DHX57: variants seen among roughly 807,000 people sequenced by gnomAD.
DHX57 encodes the protein putative ATP-dependent RNA helicase DHX57.
In DHX57, 105 loss-of-function variants were observed where a neutral mutation model predicts 156.2. The observed-to-expected ratio is 0.67, with a 90% CI of 0.57 to 0.79. DHX57 has a LOEUF of 0.79. Ranked by LOEUF, DHX57 falls within the 30% of genes least tolerant of loss-of-function variation. The probability of loss-of-function intolerance (pLI) is 0.00; values close to 1 mark genes in which losing one functional copy is unlikely to be tolerated. For synonymous variants in DHX57, 704 were observed against 595.6 expected, an observed-to-expected ratio of 1.18 and a Z score of -2.65; for missense variants, 1,847 against 1,661.9, an observed-to-expected ratio of 1.11 and a Z score of -1.94.
chr2:38,818,482 C>T (rs776814160), intron 19 of DHX57, among the ~76,000 whole-genome samples: 2 of 152,096 alleles, frequency 1.3e-5, no homozygotes, highest in African/African-American at 2.4e-5. Flanking sequence ...GAGCCGAGAT[C>T]GCACCACTGC....
chr2:38,823,203 A>C lies in DHX57; in HGVS notation c.3081T>G (p.Pro1027=). The C allele has an allele frequency of 1.9e-6, 3 of 1,614,162 alleles. No homozygotes were observed. The highest frequency in any genetic ancestry group is 2.5e-6 in the Non-Finnish European group (3 of 1,180,020). The change falls in exon 17 of 24, where the codon CCT becomes CCG. Residue 1027 remains proline (P), a synonymous_variant. Coordinates refer to ENST00000457308, the MANE Select transcript of DHX57 (RefSeq NM_198963.3). ...LQSVFSRLIE[P]PHTDSLRASK... is the part of the protein sequence containing the mutation. ...AGGCACGAAGAGAATCGGTGTGTGG[A>C]GGTTCAATGAGCCGAGAGAACACAG...
chr2:38,799,748 C>A (rs1669580409), intron 23 of DHX57, among the ~76,000 whole-genome samples: 2 of 39,802 alleles, frequency 5.0e-5, no homozygotes, highest in Non-Finnish European at 1.1e-4. Flanking sequence ...AAAACTCCAT[C>A]TCAAAAAAAA....
At chr2:38,838,779 A>T in intron 12 of DHX57, 1 of 456,446 alleles carries the variant, frequency 2.2e-6, no homozygotes, top group South Asian at 1.6e-5. Flanking sequence ...CTTCCCTGAA[A>T]AATAAATGTG....
chr2:38,824,730 C>T (rs1314929793), intron 16 of DHX57, among the ~76,000 whole-genome samples: 1 of 152,164 alleles, frequency 6.6e-6, no homozygotes, highest in Admixed American at 6.6e-5. Context: ...TCACTGCAAC[C>T]TCCACCTCCC....
At chr2:38,830,345 T>A (rs1008728670) in intron 13 of DHX57, among the ~76,000 whole-genome samples, 4 of 152,074 alleles carry the variant, frequency 2.6e-5, no homozygotes, top group Admixed American at 6.6e-5. Flanking sequence ...AGGTTATTAG[T>A]GGCCAGGCAT....
chr2:38,807,653 G>A lies in DHX57; in HGVS notation c.3682-960C>T, dbSNP rs553190293. 3.5e-5 allele frequency among the ~76,000 whole-genome samples: 5 copies of A among 144,094 alleles called. No individual in the cohort carries two copies. In the South Asian group the frequency reaches 1.1e-3, roughly 32 times the overall value. 94.5% of individuals were successfully genotyped at this position (144,094 alleles called of 152,430 possible). Reference sequence around the variant, plus strand: ...ATTACAGGTGTGAGCCACTGCGCCCGGCCTTTTTTTTGAGACGGAGTTTCG... The same window carrying A: ...ATTACAGGTGTGAGCCACTGCGCCCAGCCTTTTTTTTGAGACGGAGTTTCG... On this transcript the variant is annotated intron_variant, in intron 21 of 23. Coordinates refer to ENST00000457308, the MANE Select transcript of DHX57 (RefSeq NM_198963.3).
intron 17 of DHX57, among the ~76,000 whole-genome samples, chr2:38,820,876 G>GAA (rs200808059): frequency 5.4e-5 from 6 of 112,094 alleles, no homozygotes; most frequent in Non-Finnish European, 5.7e-5. Context: ...TTTAATGAAG[G>GAA]AAAAAAAAAA....
At chr2:38,848,471 A>G in intron 9 of DHX57, 69 bp from the exon 10 acceptor site, 1 of 1,478,120 alleles carries the variant, frequency 6.8e-7, no homozygotes, top group Non-Finnish European at 9.1e-7. Context: ...AACTTTTACT[A>G]TATTTTGAGC....
intron 23 of DHX57, among the ~76,000 whole-genome samples, chr2:38,799,046 G>C (rs1455087346): frequency 6.6e-6 from 1 of 152,024 alleles, no homozygotes; most frequent in Non-Finnish European, 1.5e-5. Context: ...TCCACGAGGA[G>C]AAGCAGGAAA....
At position 38,863,466 on chromosome 2, in the gene DHX57, T is replaced by G. The variant is rs752345342; in HGVS notation, c.278A>C (p.Lys93Thr). ...TAGAGTCTGAAGGGGTACTTTGGCTTTGGGTTTCCATTTTGGGCGTGACTC... is the reference window on the plus strand; with the variant it reads ...TAGAGTCTGAAGGGGTACTTTGGCTGTGGGTTTCCATTTTGGGCGTGACTC... ...KGESRPKWKP[K>T]AKVPLQTLHM... The change falls in exon 3 of 24, where the codon AAA becomes ACA. Residue 93 changes from lysine (K) to threonine (T), a missense_variant. Physicochemically the swap from Lys to Thr is moderately conservative, Grantham distance 78. Coordinates refer to ENST00000457308, the MANE Select transcript of DHX57 (RefSeq NM_198963.3). 1.3e-5 allele frequency: 21 copies of G among 1,614,024 alleles called. No homozygotes were observed. The highest frequency in any genetic ancestry group is 1.7e-5 in the Admixed American group (1 of 59,984).
At chr2:38,842,251 A>C (rs1672046551) in intron 12 of DHX57, among the ~76,000 whole-genome samples, 1 of 152,242 alleles carries the variant, frequency 6.6e-6, no homozygotes, top group African/African-American at 2.4e-5. Flanking sequence ...ATCTTCAAAA[A>C]TGTCAAGGTC....
intron 23 of DHX57, among the ~76,000 whole-genome samples, chr2:38,800,898 G>A (rs1272461848): frequency 2.0e-5 from 3 of 151,976 alleles, no homozygotes; most frequent in East Asian, 1.9e-4. Context: ...GATGTGCTGC[G>A]AATATAAAAT....
chr2:38,827,577 T>C (rs1288806954), intron 14 of DHX57, among the ~76,000 whole-genome samples: 1 of 132,966 alleles, frequency 7.5e-6, no homozygotes, highest in Non-Finnish European at 1.6e-5. Context: ...CACACATACA[T>C]ACACACACAC....
chr2:38,815,823 G>T, intron 19 of DHX57, 168 bp from the exon 20 acceptor site: 1 of 839,596 alleles, frequency 1.2e-6, no homozygotes, highest in Non-Finnish European at 1.8e-6. Context: ...TTTCCAAGAA[G>T]CAGCTTTCAC....
At chr2:38,839,550 A>G (rs1671867258) in intron 12 of DHX57, among the ~76,000 whole-genome samples, 1 of 111,578 alleles carries the variant, frequency 9.0e-6, no homozygotes, top group Non-Finnish European at 1.8e-5. Flanking sequence ...CATCTCTACT[A>G]AAAATACAAA....
At chr2:38,864,529 C>T (rs1377440653) in intron 2 of DHX57, among the ~76,000 whole-genome samples, 1 of 152,098 alleles carries the variant, frequency 6.6e-6, no homozygotes, top group African/African-American at 2.4e-5. Context: ...TTAAAGTCAG[C>T]CTTTCTATTT....
chr2:38,805,284 T>C (rs1291252331), intron 22 of DHX57, among the ~76,000 whole-genome samples: 1 of 152,172 alleles, frequency 6.6e-6, no homozygotes, highest in Non-Finnish European at 1.5e-5. Flanking sequence ...TTTGTGAACA[T>C]GGTCCTCAGT....
Position 38,847,024 on chromosome 2 carries a change from C to A in DHX57, c.2214G>T (p.Val738=), listed in dbSNP as rs1224628844. The A allele has an allele frequency of 6.8e-6, 11 of 1,612,778 alleles. No homozygotes were observed. The highest frequency in any genetic ancestry group is 1.1e-5 in the South Asian group (1 of 90,952). Reference sequence around the variant, plus strand: ...TTAATTAATATCTTCCTTACCTTGTCACAGCAATTGCATCTTCCAAAAAAA... The same window carrying A: ...TTAATTAATATCTTCCTTACCTTGTAACAGCAATTGCATCTTCCAAAAAAA... The part of the protein sequence containing the change: ...DQFFLEDAIA[V]TRYVLQDGSP... Residue 738 remains valine (V), a synonymous_variant, in exon 11 of 24, where the codon GTG becomes GTT. Transcript: ENST00000457308.
At chr2:38,846,966 A>G (rs1391533248) in intron 11 of DHX57, 53 bp downstream of exon 11, 1 of 1,495,184 alleles carries the variant, frequency 6.7e-7, no homozygotes, top group Non-Finnish European at 9.3e-7. Flanking sequence ...AATTACAGGG[A>G]TGAACCACCA....
Sources: allele counts gnomAD v4.1 joint callset (sites outside exome capture counted in the v4.1 genomes callset), GRCh38; gene constraint gnomAD v4.1.1; transcripts MANE v1.5; gene names NCBI Gene and HGNC (gene_info 2026-07-23, HGNC 2026-07-21).